PLXDC2: variants seen among roughly 807,000 people sequenced by gnomAD.
PLXDC2 encodes plexin domain containing 2, also known as plexin domain-containing protein 2.
PLXDC2 carries 40 observed loss-of-function variants against 68.9 expected under a neutral mutation model. The ratio of observed to expected loss-of-function variants is 0.58; its 90% CI spans 0.45 to 0.76. The LOEUF is 0.76. PLXDC2 is among the 30% of genes least tolerant of loss of function. PLXDC2 has a pLI of 0.00. For missense variants in PLXDC2, 644 were observed against 661.9 expected (o/e 0.97, Z 0.30); for synonymous variants, 243 against 234.2 (o/e 1.04, Z -0.34).
At chr10:20,206,180 C>T (rs1298535881) in intron 9 of PLXDC2, among the ~76,000 whole-genome samples, 1 of 149,812 alleles carries the variant, frequency 6.7e-6, no homozygotes, top group Non-Finnish European at 1.5e-5. Flanking sequence ...TACAATCATT[C>T]AAAAAAAAAG....
intron 2 of PLXDC2, among the ~76,000 whole-genome samples, chr10:20,033,593 A>G (rs1835535577): frequency 6.6e-6 from 1 of 152,186 alleles, no homozygotes; most frequent in South Asian, 2.1e-4. Context: ...GCAAAGAGAT[A>G]TCTTACATGG....
At chr10:19,924,167 C>G (rs1833503571) in intron 1 of PLXDC2, among the ~76,000 whole-genome samples, 1 of 152,226 alleles carries the variant, frequency 6.6e-6, no homozygotes, top group Admixed American at 6.5e-5. Context: ...CTCAGTCAGA[C>G]TCCTGACTGG....
intron 1 of PLXDC2, among the ~76,000 whole-genome samples, chr10:19,845,910 G>A (rs2131321877): frequency 6.6e-6 from 1 of 152,244 alleles, no homozygotes; most frequent in East Asian, 1.9e-4. Flanking sequence ...CTGATTTAAA[G>A]CTGTTTCCTC....
chr10:20,238,698 C>CATATATATGTATATATATAT, intron 12 of PLXDC2, among the ~76,000 whole-genome samples: 1 of 105,386 alleles, frequency 9.5e-6, no homozygotes, highest in African/African-American at 3.7e-5. Flanking sequence ...TATATACACA[C>CATATATATGTATATATATAT]ATATATATGT....
chr10:20,091,096 G>A, intron 4 of PLXDC2, among the ~76,000 whole-genome samples: 1 of 152,220 alleles, frequency 6.6e-6, no homozygotes, highest in East Asian at 1.9e-4. Flanking sequence ...TATGTGATAT[G>A]TTCAGCCTAG....
rs113320988 is a variant in PLXDC2 at position 20,130,613 on chromosome 10, A to G, written c.542-12682A>G. Among the ~76,000 whole-genome samples the G allele has an allele frequency of 6.7e-3, 1,025 of 152,194 alleles. 8 individuals carry two copies. The highest frequency in any genetic ancestry group is 0.011 in the Non-Finnish European group (714 of 67,988). ...TTTTAGCTTTTTATCATTGAGTGTG[A>G]TACTATATGTGGACTTGTCATACAT... On this transcript the variant is annotated intron_variant, in intron 4 of 13. Coordinates refer to ENST00000377252, the MANE Select transcript of PLXDC2 (RefSeq NM_032812.9).
intron 1 of PLXDC2, among the ~76,000 whole-genome samples, chr10:19,988,627 T>C (rs1834688936): frequency 6.6e-6 from 1 of 152,046 alleles, no homozygotes; most frequent in Non-Finnish European, 1.5e-5. Context: ...AGATAAAACA[T>C]ATTCATATTC....
At chr10:20,033,277 T>C (rs1300809799) in intron 2 of PLXDC2, among the ~76,000 whole-genome samples, 1 of 151,958 alleles carries the variant, frequency 6.6e-6, no homozygotes, top group Non-Finnish European at 1.5e-5. Context: ...ATGGCAGGGA[T>C]TGAGGCAGTG....
chr10:19,945,468 C>T (rs187055294), intron 1 of PLXDC2, among the ~76,000 whole-genome samples: 204 of 152,344 alleles, frequency 1.3e-3, no homozygotes, highest in African/African-American at 4.6e-3. Flanking sequence ...CCTGGCAACA[C>T]TCACTGAGGA....
chr10:19,873,095 T>A (rs1310268959), intron 1 of PLXDC2, among the ~76,000 whole-genome samples: 1 of 152,162 alleles, frequency 6.6e-6, no homozygotes, highest in Non-Finnish European at 1.5e-5. Context: ...ATGCTGTGTT[T>A]TTATCATGTG....
At chr10:20,175,542 T>G (rs969858821) in intron 7 of PLXDC2, among the ~76,000 whole-genome samples, 2 of 152,004 alleles carry the variant, frequency 1.3e-5, no homozygotes, top group Non-Finnish European at 2.9e-5. Context: ...ACAAATTAAC[T>G]AGGCATGGGG....
intron 12 of PLXDC2, among the ~76,000 whole-genome samples, chr10:20,244,459 C>T (rs912055516): frequency 6.6e-6 from 1 of 152,136 alleles, no homozygotes; most frequent in African/African-American, 2.4e-5. Flanking sequence ...GGAAAGTTTT[C>T]CTTTGCTGTG....
chr10:19,957,333 T>A (rs190222437), intron 1 of PLXDC2, among the ~76,000 whole-genome samples: 4 of 152,268 alleles, frequency 2.6e-5, no homozygotes, highest in East Asian at 1.9e-4. Context: ...TAAGAATATG[T>A]GAAATACAGA....
At chr10:20,003,775 T>C (rs1014851522) in intron 2 of PLXDC2, among the ~76,000 whole-genome samples, 2 of 152,150 alleles carry the variant, frequency 1.3e-5, no homozygotes, top group African/African-American at 4.8e-5. Context: ...CATCTTTGGC[T>C]TTTGATGGTT....
chr10:19,912,557 C>A (rs1446888699), intron 1 of PLXDC2, among the ~76,000 whole-genome samples: 1 of 151,974 alleles, frequency 6.6e-6, no homozygotes, highest in African/African-American at 2.4e-5. Context: ...CGGTCCTGGA[C>A]AACAGGAGTA....
chr10:19,857,239 C>T (rs957638880), intron 1 of PLXDC2, among the ~76,000 whole-genome samples: 2 of 152,148 alleles, frequency 1.3e-5, no homozygotes, highest in Non-Finnish European at 2.9e-5. Flanking sequence ...CAGCTTCCCA[C>T]AATATAATTA....
intron 12 of PLXDC2, among the ~76,000 whole-genome samples, chr10:20,228,135 G>C (rs1356297436): frequency 1.3e-5 from 2 of 152,146 alleles, no homozygotes; most frequent in East Asian, 1.9e-4. Context: ...GAAAATGTCA[G>C]TAGGCATTTT....
intron 2 of PLXDC2, among the ~76,000 whole-genome samples, chr10:20,046,561 C>T (rs1488214222): frequency 6.6e-6 from 1 of 151,794 alleles, no homozygotes; most frequent in Non-Finnish European, 1.5e-5. Flanking sequence ...TTATGGTTTG[C>T]CTGGATTTCA....
rs1048456985 is a variant in PLXDC2, at chr10:20,177,046, A to G, written c.931A>G (p.Met311Val). The change falls in exon 8 of 14, where the codon ATG (methionine) becomes GTG (valine). Residue 311 changes from methionine (M) to valine (V), a missense_variant. Met to Val is a conservative substitution (Grantham distance 21). This residue lies in a region of PLXDC2 where 330 missense variants were observed against 327.9 expected (regional missense o/e 1.01). Transcript: ENST00000377252. The stretch of plus-strand genomic sequence containing the variant: ...TGAATACCACCGAGTAGAGCTACAA[A>G]TGTCAAAAATTACCAACATTTCGGC... ...IYEYHRVELQMSKITNISAVE... is the reference protein window; with the variant it reads ...IYEYHRVELQVSKITNISAVE... 3.7e-6 allele frequency: 6 copies of G among 1,612,276 alleles called. No homozygotes were observed. Among genetic ancestry groups the G allele is most frequent in the Non-Finnish European group, 4.2e-6 (5 of 1,179,216 alleles).
Sources: allele counts gnomAD v4.1 joint callset (sites outside exome capture counted in the v4.1 genomes callset), GRCh38; gene constraint gnomAD v4.1.1; regional missense constraint gnomAD v4.1.1; transcripts MANE v1.5; gene names NCBI Gene and HGNC (gene_info 2026-07-23, HGNC 2026-07-21).